Variants in NIPBL observed in about 807,000 individuals in gnomAD.
NIPBL encodes the protein nipped-B-like protein.
In NIPBL, 19 loss-of-function variants were observed where a neutral mutation model predicts 321.8. That is an observed-to-expected ratio of 0.06 (90% CI 0.04 to 0.09). The LOEUF is 0.09. Ranked by LOEUF, NIPBL falls within the 10% of genes least tolerant of loss-of-function variation. NIPBL has a pLI of 1.00. For missense variants in NIPBL, 2,210 were observed against 3,327.0 expected, an observed-to-expected ratio of 0.66 and a Z score of 8.26; for synonymous variants, 1,106 against 1,114.1, an observed-to-expected ratio of 0.99 and a Z score of 0.14.
At chr5:36,993,520 A>G (rs1745781426) in intron 10 of NIPBL, among the ~76,000 whole-genome samples, 1 of 152,222 alleles carries the variant, frequency 6.6e-6, no homozygotes, top group South Asian at 2.1e-4. Flanking sequence ...AATCCATTGC[A>G]GAGAGAGCAC....
chr5:37,027,474 GTTT>G (rs75728277), intron 32 of NIPBL, 62 bp downstream of exon 32: 37 of 934,730 alleles, frequency 4.0e-5, no homozygotes, highest in Non-Finnish European at 4.8e-5. Context: ...TGTTGTTGGT[GTTT>G]TTTTTTTTTT....
intron 9 of NIPBL, among the ~76,000 whole-genome samples, chr5:36,979,162 G>C (rs1024249586): frequency 6.6e-6 from 1 of 151,914 alleles, no homozygotes; most frequent in African/African-American, 2.4e-5. Context: ...TGTTGAATCT[G>C]TAGATTACTT....
intron 1 of NIPBL, among the ~76,000 whole-genome samples, chr5:36,910,991 T>G (rs1748005309): frequency 6.6e-6 from 1 of 152,238 alleles, no homozygotes; most frequent in South Asian, 2.1e-4. Flanking sequence ...TCCATGTCTT[T>G]TATCTTCCCT....
At chr5:36,982,181 A>G in intron 9 of NIPBL, 3 of 968,594 alleles carry the variant, frequency 3.1e-6, no homozygotes, top group Non-Finnish European at 3.7e-6. Context: ...ATGTATTCTG[A>G]TAGCTAATCT....
intron 1 of NIPBL, among the ~76,000 whole-genome samples, chr5:36,922,344 G>T (rs1396239449): frequency 6.6e-6 from 1 of 151,666 alleles, no homozygotes; most frequent in African/African-American, 2.4e-5. Context: ...CTATTAGTTT[G>T]ATTTTTCAAT....
At position 36,927,295 on chromosome 5, in the gene NIPBL, A is replaced by G. The variant is rs530716098; in HGVS notation, c.-79-26323A>G. Among the ~76,000 whole-genome samples, 29 of 152,330 alleles carry G rather than the reference A, an allele frequency of 1.9e-4. No individual in the cohort carries two copies. The South Asian group carries it at 5.8e-3, about 30-fold the overall frequency. On this transcript the variant is annotated intron_variant, in intron 1 of 46. Coordinates refer to ENST00000282516, the MANE Select transcript of NIPBL (RefSeq NM_133433.4). The stretch of plus-strand genomic sequence containing the variant: ...CATATTTTACTGAGAGGAGAAAAGA[A>G]TATCAAGGCGGATTTTTGGTTTAAA...
chr5:36,994,860 CTTCT>C (rs1289014397), intron 10 of NIPBL, among the ~76,000 whole-genome samples: 1 of 133,386 alleles, frequency 7.5e-6, no homozygotes, highest in Non-Finnish European at 1.5e-5. Flanking sequence ...ATTGTCTTGT[CTTCT>C]TTTTTATTGC....
chr5:36,879,351 C>T (rs1745338939), intron 1 of NIPBL, among the ~76,000 whole-genome samples: 1 of 152,066 alleles, frequency 6.6e-6, no homozygotes, highest in Admixed American at 6.6e-5. Flanking sequence ...CTTATTTTCC[C>T]AATTCTACAT....
At chr5:36,953,364 C>A (rs1740614741) in intron 1 of NIPBL, among the ~76,000 whole-genome samples, 1 of 152,188 alleles carries the variant, frequency 6.6e-6, no homozygotes, top group Non-Finnish European at 1.5e-5. Flanking sequence ...TTTAAACTCA[C>A]TGTAAATTAA....
intron 21 of NIPBL, 62 bp downstream of exon 21, chr5:37,010,287 T>G: frequency 9.3e-6 from 12 of 1,294,298 alleles, no homozygotes; most frequent in Non-Finnish European, 1.3e-5. Context: ...CTATATTCTC[T>G]GTCATTCTTA....
chr5:36,911,066 T>C (rs565417866), intron 1 of NIPBL, among the ~76,000 whole-genome samples: 7 of 152,314 alleles, frequency 4.6e-5, no homozygotes, highest in African/African-American at 1.7e-4. Context: ...TAGACTAGCA[T>C]TGTATGAATG....
intron 16 of NIPBL, among the ~76,000 whole-genome samples, chr5:37,004,229 T>TATTA (rs1747157155): frequency 6.6e-6 from 1 of 152,204 alleles, no homozygotes. Flanking sequence ...TGCAATGGTT[T>TATTA]ATTAATTGAG....
At chr5:37,046,502 C>A (rs1752994203) in intron 38 of NIPBL, among the ~76,000 whole-genome samples, 1 of 152,162 alleles carries the variant, frequency 6.6e-6, no homozygotes, top group Admixed American at 6.5e-5. Context: ...TTTATTAAAG[C>A]CCTTTGATAA....
Position 36,986,082 on chromosome 5 carries a change from A to C in NIPBL, c.2902A>C (p.Asn968His). 6.2e-7 allele frequency: 1 copy of C among 1,614,008 alleles called. No homozygotes were observed. ...GAAAATCAAGAGGGATAAAGATGGCAATGTTACTCAGGAGACAAAGAAAAT... is the reference window on the plus strand; with the variant it reads ...GAAAATCAAGAGGGATAAAGATGGCCATGTTACTCAGGAGACAAAGAAAAT... ...IPKIKRDKDGNVTQETKKMEM... is the reference protein window; with the variant it reads ...IPKIKRDKDGHVTQETKKMEM... Residue 968 changes from asparagine (N) to histidine (H), a missense_variant, in exon 10 of 47, where the codon AAT (asparagine) becomes CAT (histidine). Around this residue, in one of 14 missense-constraint regions of NIPBL, gnomAD observed 588 missense variants for 564.1 expected, o/e 1.04. Coordinates refer to ENST00000282516, the MANE Select transcript of NIPBL (RefSeq NM_133433.4).
At chr5:36,991,987 A>G (rs1262364372) in intron 10 of NIPBL, among the ~76,000 whole-genome samples, 1 of 152,106 alleles carries the variant, frequency 6.6e-6, no homozygotes, top group East Asian at 1.9e-4. Context: ...TCTGGTTTTA[A>G]TAATCTGGCA....
intron 31 of NIPBL, 92 bp downstream of exon 31, chr5:37,026,419 A>G: frequency 1.3e-6 from 1 of 764,686 alleles, no homozygotes; most frequent in South Asian, 1.5e-5. Flanking sequence ...ATAATGAGAT[A>G]TTTCATTAAT....
At chr5:36,914,617 C>T (rs532366097) in intron 1 of NIPBL, among the ~76,000 whole-genome samples, 5 of 152,292 alleles carry the variant, frequency 3.3e-5, no homozygotes, top group South Asian at 2.1e-4. Context: ...GTCCCATCTA[C>T]AAGATATCTC....
chr5:36,997,218 C>G (rs1011392096), intron 11 of NIPBL, among the ~76,000 whole-genome samples: 1 of 152,080 alleles, frequency 6.6e-6, no homozygotes, highest in Non-Finnish European at 1.5e-5. Context: ...CTCTTTCCCT[C>G]TAATAAACAT....
At chr5:36,888,243 AGT>A (rs1746064154) in intron 1 of NIPBL, among the ~76,000 whole-genome samples, 1 of 152,162 alleles carries the variant, frequency 6.6e-6, no homozygotes. Flanking sequence ...TGTAATCTTT[AGT>A]AACAGTGATA....
Sources: allele counts gnomAD v4.1 joint callset (sites outside exome capture counted in the v4.1 genomes callset), GRCh38; gene constraint gnomAD v4.1.1; regional missense constraint gnomAD v4.1.1; transcripts MANE v1.5; gene names NCBI Gene and HGNC (gene_info 2026-07-23, HGNC 2026-07-21).